ENOX1: variants seen among roughly 807,000 people sequenced by gnomAD.
ENOX1 encodes ecto-NOX disulfide-thiol exchanger 1.
In ENOX1, 42 loss-of-function variants were observed where a neutral mutation model predicts 82.5. The observed-to-expected ratio is 0.51, with a 90% confidence interval of 0.40 to 0.66. ENOX1 has a LOEUF of 0.66. ENOX1 is among the 30% of genes least tolerant of loss of function. The pLI is 0.00. For synonymous variants in ENOX1, 271 were observed against 282.2 expected (o/e 0.96, Z 0.40); for missense variants, 608 against 811.6 (o/e 0.75, Z 3.05).
At chr13:43,276,108 T>C (rs184901281) in intron 12 of ENOX1, among the ~76,000 whole-genome samples, 3 of 152,308 alleles carry the variant, frequency 2.0e-5, no homozygotes, top group Admixed American at 1.3e-4. Context: ...CTCTGTAACT[T>C]TGCTATAAAT....
intron 5 of ENOX1, among the ~76,000 whole-genome samples, chr13:43,398,783 T>A (rs2053310929): frequency 6.7e-6 from 1 of 148,268 alleles, no homozygotes; most frequent in Non-Finnish European, 1.5e-5. Flanking sequence ...TAAATGTATT[T>A]TCCCTTATCA....
At chr13:43,421,105 A>G (rs1055787938) in intron 3 of ENOX1, among the ~76,000 whole-genome samples, 1 of 152,178 alleles carries the variant, frequency 6.6e-6, no homozygotes, top group Non-Finnish European at 1.5e-5. Context: ...TTTCTTGGAA[A>G]CAGTATGGGC....
chr13:43,636,527 G>A (rs990864375), intron 2 of ENOX1, among the ~76,000 whole-genome samples: 11 of 152,146 alleles, frequency 7.2e-5, no homozygotes, highest in Non-Finnish European at 4.4e-5. Context: ...ACGAACTTTT[G>A]TCAGGAAGCT....
intron 3 of ENOX1, among the ~76,000 whole-genome samples, chr13:43,455,532 AT>A: frequency 6.6e-6 from 1 of 151,932 alleles, no homozygotes; most frequent in Non-Finnish European, 1.5e-5. Flanking sequence ...TCTCTGAATC[AT>A]TTTTTTCTTG....
At chr13:43,242,181 C>G (rs754223749) in intron 14 of ENOX1, among the ~76,000 whole-genome samples, 4 of 152,220 alleles carry the variant, frequency 2.6e-5, no homozygotes, top group Non-Finnish European at 5.9e-5. Context: ...ATTATTTTCC[C>G]AGTCCTCTTA....
intron 3 of ENOX1, among the ~76,000 whole-genome samples, chr13:43,433,578 C>G (rs2055817770): frequency 6.6e-6 from 1 of 152,174 alleles, no homozygotes; most frequent in African/African-American, 2.4e-5. Context: ...TATGTTTATT[C>G]TCTTTAAATA....
chr13:43,587,686 T>G (rs1303211778), intron 2 of ENOX1, among the ~76,000 whole-genome samples: 1 of 152,244 alleles, frequency 6.6e-6, no homozygotes, highest in Non-Finnish European at 1.5e-5. Context: ...GACTTGATGT[T>G]CCACTTCATA....
At chr13:43,707,744 A>AAC (rs2087402030) in intron 1 of ENOX1, among the ~76,000 whole-genome samples, 1 of 149,280 alleles carries the variant, frequency 6.7e-6, no homozygotes, top group Non-Finnish European at 1.5e-5. Flanking sequence ...AAAAAAAAAA[A>AAC]AAAAAAAAAA....
At chr13:43,727,040 C>A (rs1253828371) in intron 1 of ENOX1, among the ~76,000 whole-genome samples, 1 of 152,128 alleles carries the variant, frequency 6.6e-6, no homozygotes, top group East Asian at 1.9e-4. Context: ...GGATTTTTGT[C>A]TCAAATCCAA....
At chr13:43,233,298 C>T (rs570738611) in intron 15 of ENOX1, among the ~76,000 whole-genome samples, 1 of 152,302 alleles carries the variant, frequency 6.6e-6, no homozygotes, top group Non-Finnish European at 1.5e-5. Flanking sequence ...TTTCCAGGGG[C>T]CTGTCTTCTT....
At chr13:43,631,417 G>A (rs1216279593) in intron 2 of ENOX1, among the ~76,000 whole-genome samples, 1 of 152,108 alleles carries the variant, frequency 6.6e-6, no homozygotes, top group East Asian at 1.9e-4. Context: ...CCTGTCAGTG[G>A]TGCGGCCAGG....
chr13:43,372,590 C>T (rs566268865), intron 5 of ENOX1, among the ~76,000 whole-genome samples: 45 of 152,244 alleles, frequency 3.0e-4, no homozygotes, highest in African/African-American at 1.0e-3. Context: ...GGGAATACTA[C>T]AACCTAACAG....
intron 5 of ENOX1, among the ~76,000 whole-genome samples, chr13:43,373,681 C>T (rs1473728717): frequency 2.6e-5 from 4 of 152,120 alleles, no homozygotes; most frequent in Admixed American, 6.6e-5. Flanking sequence ...TCATTACATC[C>T]GAGGCCCTGG....
chr13:43,358,136 C>T (rs1158041717), intron 7 of ENOX1, among the ~76,000 whole-genome samples: 1 of 152,154 alleles, frequency 6.6e-6, no homozygotes, highest in Non-Finnish European at 1.5e-5. Context: ...CAAGGAGCAC[C>T]TTTCATATGC....
At chr13:43,340,251 T>C (rs973722117) in intron 9 of ENOX1, among the ~76,000 whole-genome samples, 1 of 152,234 alleles carries the variant, frequency 6.6e-6, no homozygotes, top group Non-Finnish European at 1.5e-5. Flanking sequence ...CAATGAGATA[T>C]GCAATCTTCT....
intron 1 of ENOX1, among the ~76,000 whole-genome samples, chr13:43,767,990 T>A (rs1440840417): frequency 1.3e-5 from 2 of 151,988 alleles, no homozygotes; most frequent in Non-Finnish European, 2.9e-5. Context: ...TTTTAGTGGA[T>A]GCCCACAAAG....
At chr13:43,701,102 T>G (rs1309800548) in intron 1 of ENOX1, among the ~76,000 whole-genome samples, 1 of 152,168 alleles carries the variant, frequency 6.6e-6, no homozygotes, top group African/African-American at 2.4e-5. Flanking sequence ...TTCCAATTAG[T>G]TTTACGCATT....
chr13:43,411,810 T>C, intron 5 of ENOX1, 106 bp downstream of exon 5: 1 of 1,429,858 alleles, frequency 7.0e-7, no homozygotes, highest in Non-Finnish European at 9.5e-7. Flanking sequence ...CAGTCATAAA[T>C]AAAAGACTGT....
chr13:43,615,480 A>G (rs1042681423), intron 2 of ENOX1, among the ~76,000 whole-genome samples: 1 of 152,170 alleles, frequency 6.6e-6, no homozygotes, highest in Non-Finnish European at 1.5e-5. Flanking sequence ...TTTGCATTCA[A>G]AATTTTGTTC....
Sources: allele counts gnomAD v4.1 joint callset (sites outside exome capture counted in the v4.1 genomes callset), GRCh38; gene constraint gnomAD v4.1.1; transcripts MANE v1.5; gene names NCBI Gene and HGNC (gene_info 2026-07-23, HGNC 2026-07-21).